Variants in TTN observed in about 807,000 individuals in gnomAD.
The protein encoded by TTN is titin, also known as connectin.
Under a neutral mutation model 3,223.0 loss-of-function variants are expected in TTN, and 1,525 were observed. That is an observed-to-expected ratio of 0.47 (90% CI 0.45 to 0.49). The LOEUF (loss-of-function observed/expected upper bound fraction) is 0.49, where lower values mean the gene tolerates loss of function less well. Ranked by LOEUF, TTN falls within the 20% of genes least tolerant of loss-of-function variation. TTN has a pLI of 0.00. For missense variants in TTN, 40,786 were observed against 43,424.0 expected (o/e 0.94, Z 5.40); for synonymous variants, 14,094 against 15,161.0 (o/e 0.93, Z 5.17).
rs35770337 is a variant in TTN at position 178,689,003 on chromosome 2, A to ATTT, written c.32095+47_32095+49dup. The ATTT allele has an allele frequency of 9.0e-4, 910 of 1,006,140 alleles. 4 individuals are homozygous for ATTT. The highest frequency in any genetic ancestry group is 1.4e-3 in the Middle Eastern group (6 of 4,186). 62.3% of individuals were successfully genotyped at this position (1,006,140 alleles called of 1,614,324 possible). ...AAGCAAGAATTTAACACACTCGAAGATTTTTTTTTTTTTTTTTTTTTTTTG... is the reference window on the plus strand; with the variant it reads ...AAGCAAGAATTTAACACACTCGAAGATTTTTTTTTTTTTTTTTTTTTTTTTTTG... On this transcript the variant is annotated intron_variant, in intron 125 of 362. Transcript: ENST00000589042.
In TTN at chr2:178,735,621, A is replaced by G. The variant is rs773235984; in HGVS notation, c.14825T>C (p.Ile4942Thr). 1.9e-6 allele frequency: 3 copies of G among 1,613,530 alleles called. No individual in the cohort carries two copies. The highest frequency in any genetic ancestry group is 2.7e-5 in the African/African-American group (2 of 74,920). Residue 4942 changes from isoleucine (I) to threonine (T), a missense_variant, in exon 50 of 363, where the codon ATA (isoleucine) becomes ACA (threonine). By Grantham distance (89) the Ile-to-Thr change is moderately conservative. Coordinates refer to ENST00000589042, the MANE Select transcript of TTN (RefSeq NM_001267550.2). The part of the protein sequence containing the change: ...KDYKICFEDK[I>T]ATLEIPLAKL... ...GGCCAAAGGAATCTCAAGTGTTGCT[A>G]TTTTATCTTCAAAACAGATCTTATA...
At position 178,732,458 on chromosome 2, in the gene TTN, C is replaced by T. The variant is rs1442669083; in HGVS notation, c.16603G>A (p.Ala5535Thr). The T allele has an allele frequency of 3.1e-6, 5 of 1,608,192 alleles. No individual in the cohort carries two copies. The East Asian group carries it at 8.9e-5, about 29-fold the overall frequency. ...SNVAGGVECS[A>T]NLFVKEPATF... The stretch of plus-strand genomic sequence containing the variant: ...TGCAAACCTTTTACAAACAAGTTTG[C>T]ACTGCATTCCACCCCTCCAGCGACA... The change falls in exon 56 of 363, where the codon GCA (alanine) becomes ACA (threonine). Residue 5535 changes from alanine to threonine, a missense_variant. Transcript: ENST00000589042.
rs1444955362 is a variant in TTN at position 178,799,686 on chromosome 2, T to A, written c.715A>T (p.Met239Leu). The A allele has an allele frequency of 6.2e-7, 1 of 1,614,044 alleles. No individual in the cohort carries two copies. The highest frequency in any genetic ancestry group is 8.5e-7 in the Non-Finnish European group (1 of 1,180,032). ...TGCCCAGCGGCACCATCTATGACCA[T>A]CTCAACTGTTGCAATTGATCTGGCA... ...FDARSIATVEMVIDGAAGQQL... is the reference protein window; with the variant it reads ...FDARSIATVELVIDGAAGQQL... Residue 239 changes from methionine to leucine, a missense_variant, in exon 6 of 363, where the codon ATG (methionine) becomes TTG (leucine). Met to Leu is a conservative substitution (Grantham distance 15). Transcript: ENST00000589042.
chr2:178,681,597 A>G (rs1021522268), intron 136 of TTN, 64 bp downstream of exon 136: 3 of 1,517,030 alleles, frequency 2.0e-6, no homozygotes, highest in Non-Finnish European at 2.7e-6. Flanking sequence ...ATATATTTTT[A>G]TAGTAGGACA....
At chr2:178,629,587 GCCCCACGGCGCT>G in intron 239 of TTN, 144 bp from the exon 240 acceptor site, 3 of 1,193,286 alleles carry the variant, frequency 2.5e-6, no homozygotes, top group East Asian at 2.5e-5. Context: ...CGTGAACGTG[GCCCCACGGCGCT>G]GAGAAGGGGA....
intron 46 of TTN, chr2:178,754,088 A>G (rs1358538014): frequency 6.6e-6 from 1 of 152,178 alleles, no homozygotes; most frequent in Non-Finnish European, 1.5e-5. Flanking sequence ...TGTGGAGAAG[A>G]TGGAATGTCA....
chr2:178,682,129 T>C (rs2069565192), intron 135 of TTN, among the ~76,000 whole-genome samples: 3 of 152,008 alleles, frequency 2.0e-5, no homozygotes, highest in Non-Finnish European at 4.4e-5. Flanking sequence ...AGATTTATTC[T>C]TTGAGTAAAA....
In TTN at chr2:178,607,649, C is replaced by T. The variant is rs779241909; in HGVS notation, c.53039G>A (p.Gly17680Asp). The change falls in exon 277 of 363, where the codon GGT becomes GAT. Residue 17680 changes from glycine (G) to aspartate (D), a missense_variant. Transcript: ENST00000589042. ...CTTCCCAGCCATTATTTGTATTCCA[C>T]CCTTGACAGAAACATCCAGTTCCAC... ...PAVELDVSVK[G>D]GIQIMAGKTL... The T allele has an allele frequency of 2.0e-5, 33 of 1,612,892 alleles. No homozygotes were observed. Among genetic ancestry groups the T allele is most frequent in the Non-Finnish European group, 2.6e-5 (31 of 1,179,376 alleles).
intron 20 of TTN, among the ~76,000 whole-genome samples, chr2:178,781,905 AGTGTGTGTGTGTGT>A (rs139001573): frequency 9.3e-5 from 14 of 149,758 alleles, no homozygotes; most frequent in Admixed American, 4.0e-4. Flanking sequence ...CTTTTCTGGA[AGTGTGTGTGTGTGT>A]GTGTGTGTGT....
In TTN at chr2:178,612,488, T is replaced by G. The variant is rs2056516277; in HGVS notation, c.50037A>C (p.Gly16679=). The part of the protein sequence containing the change: ...DLKWTVPEKD[G]GSPITNYIVE... ...CAATGTAGTTGGTGATGGGGGACCC[T>G]CCATCTTTCTCAGGAACTGTCCATT... The change falls in exon 266 of 363, where the codon GGA becomes GGC. Residue 16679 remains glycine (G), a synonymous_variant. Transcript: ENST00000589042. The G allele has an allele frequency of 3.1e-6, 5 of 1,612,194 alleles. No homozygotes were observed. In the East Asian group the frequency reaches 1.1e-4, roughly 36 times the overall value.
rs1274120348 is a variant in TTN at position 178,582,978 on chromosome 2, C to T, written c.65825G>A (p.Ser21942Asn). The change falls in exon 313 of 363, where the codon AGT (serine) becomes AAT (asparagine). Residue 21942 changes from serine (S) to asparagine (N), a missense_variant. By Grantham distance (46) the Ser-to-Asn change is conservative (BLOSUM62 1). Transcript: ENST00000589042. ...CTTAATGGTGGCTGATTTAGAACCA[C>T]TTGAATTTTCAGCAGTAATGGTATA... The part of the protein sequence containing the change: ...GDYTITAENS[S>N]GSKSATIKLK... 4 of 1,553,316 alleles carry T rather than the reference C, an allele frequency of 2.6e-6. No individual in the cohort carries two copies. The highest frequency in any genetic ancestry group is 2.7e-5 in the African/African-American group (2 of 72,946).
rs1294497237 is a variant in TTN at position 178,732,696 on chromosome 2, T to C, written c.16365A>G (p.Lys5455=). The stretch of plus-strand genomic sequence containing the variant: ...CAGGCAGAACATCCTTTGAGCCGGG[T>C]TTAGTTACAAAACTGGGTGGTTCTG... ...IVQEPPSFVT[K]PGSKDVLPGS... The change falls in exon 56 of 363, where the codon AAA becomes AAG. Residue 5455 remains lysine, a synonymous_variant. Transcript: ENST00000589042. The C allele has an allele frequency of 6.3e-7, 1 of 1,597,266 alleles. No individual in the cohort carries two copies. The highest frequency in any genetic ancestry group is 8.5e-7 in the Non-Finnish European group (1 of 1,171,758).
intron 112 of TTN, among the ~76,000 whole-genome samples, chr2:178,698,154 C>CTGTA (rs1368871117): frequency 1.3e-5 from 2 of 152,124 alleles, no homozygotes; most frequent in Non-Finnish European, 2.9e-5. Context: ...AAGACAAAGA[C>CTGTA]TGTAAGTTCT....
intron 335 of TTN, 87 bp from the exon 336 acceptor site, chr2:178,551,347 A>G: frequency 9.8e-7 from 1 of 1,019,314 alleles, no homozygotes; most frequent in Non-Finnish European, 1.3e-6. Context: ...ATTATTCTAT[A>G]ATTTTAATAA....
intron 2 of TTN, 134 bp downstream of exon 2, chr2:178,804,418 C>A (rs756919729): frequency 1.9e-5 from 15 of 794,996 alleles, no homozygotes; most frequent in South Asian, 4.5e-5. Flanking sequence ...CTTAAAATGA[C>A]CTTTCCATAG....
intron 33 of TTN, 93 bp downstream of exon 33, chr2:178,773,016 G>A (rs1574608246): frequency 6.5e-7 from 1 of 1,539,952 alleles, no homozygotes; most frequent in East Asian, 2.3e-5. Flanking sequence ...GCATGGAAGT[G>A]GGAAACTGAA....
chr2:178,645,403 C>A (rs965862490), intron 217 of TTN, among the ~76,000 whole-genome samples: 1 of 151,888 alleles, frequency 6.6e-6, no homozygotes, highest in East Asian at 1.9e-4. Context: ...ACAAGTCATT[C>A]ATATGCTTTC....
chr2:178,636,340 A>G lies in TTN; in HGVS notation c.41329+58T>C. On this transcript the variant is annotated intron_variant, in intron 225 of 362. Transcript: ENST00000589042. The surrounding 1 kb of genome is among the most constrained non-coding windows in gnomAD (Gnocchi z 4.3). ...TTGTAAAACTACAATGCAAGTTGCTACTAAGGTTTGTTACATTAAAGTTTA... is the reference window on the plus strand; with the variant it reads ...TTGTAAAACTACAATGCAAGTTGCTGCTAAGGTTTGTTACATTAAAGTTTA... 3 of 1,523,010 alleles carry G rather than the reference A, an allele frequency of 2.0e-6. No individual in the cohort carries two copies. The highest frequency in any genetic ancestry group is 2.6e-6 in the Non-Finnish European group (3 of 1,137,216). 94.3% of individuals were successfully genotyped at this position (1,523,010 alleles called of 1,614,324 possible). A position where few individuals can be genotyped will look rare whatever the true frequency, so the allele number is the denominator to read the frequency against.
At position 178,664,644 on chromosome 2, in the gene TTN, C is replaced by A. The variant is rs765321861; in HGVS notation, c.36202+10G>T. 2.9e-5 allele frequency: 46 copies of A among 1,611,920 alleles called. No individual in the cohort carries two copies. Among genetic ancestry groups the A allele is most frequent in the Non-Finnish European group, 3.7e-5 (44 of 1,179,510 alleles). The stretch of plus-strand genomic sequence containing the variant: ...TGTTCCCACCCCTCTAAGCTTCCAG[C>A]AAGATATACCTTCATCAGGAAGGAC... On this transcript the variant is annotated intron_variant, in intron 167 of 362. Transcript: ENST00000589042.
Sources: allele counts gnomAD v4.1 joint callset (sites outside exome capture counted in the v4.1 genomes callset), GRCh38; gene constraint gnomAD v4.1.1; non-coding constraint Gnocchi (gnomAD v3.1); transcripts MANE v1.5; gene names NCBI Gene and HGNC (gene_info 2026-07-23, HGNC 2026-07-21).